The following DNER variants were observed in gnomAD, a reference collection of about 807,000 sequenced individuals.
The protein encoded by DNER is delta/notch like EGF repeat containing, also known as delta and Notch-like epidermal growth factor-related receptor.
DNER carries 33 observed loss-of-function variants against 78.2 expected under a neutral mutation model. The observed-to-expected ratio is 0.42, with a 90% confidence interval of 0.32 to 0.56. The LOEUF is 0.56. DNER is among the 20% of genes least tolerant of loss of function. DNER has a pLI of 0.11. For missense variants in DNER, 918 were observed against 975.3 expected (o/e 0.94, Z 0.78); for synonymous variants, 417 against 384.8 (o/e 1.08, Z -0.98).
At chr2:229,556,251 A>G (rs1213993980) in intron 4 of DNER, among the ~76,000 whole-genome samples, 2 of 152,250 alleles carry the variant, frequency 1.3e-5, no homozygotes, top group Non-Finnish European at 2.9e-5. Flanking sequence ...GGTTACAAAG[A>G]TAAGTCACGC....
intron 5 of DNER, among the ~76,000 whole-genome samples, chr2:229,540,726 G>A (rs185306276): frequency 7.2e-4 from 110 of 152,290 alleles, no homozygotes; most frequent in Admixed American, 2.9e-3. Flanking sequence ...GTCAGGACTC[G>A]TCAGGGGCCA....
chr2:229,670,633 A>G (rs1699191049), intron 1 of DNER, among the ~76,000 whole-genome samples: 1 of 152,250 alleles, frequency 6.6e-6, no homozygotes, highest in Admixed American at 6.5e-5. Context: ...AACTTTGTCT[A>G]TAAATGCATG....
intron 6 of DNER, among the ~76,000 whole-genome samples, chr2:229,502,110 C>T (rs1695632901): frequency 6.6e-6 from 1 of 152,180 alleles, no homozygotes; most frequent in Non-Finnish European, 1.5e-5. Context: ...GACCAATGGC[C>T]TGGCCATATA....
chr2:229,508,019 CAAG>C (rs1480328804), intron 6 of DNER, among the ~76,000 whole-genome samples: 6 of 152,082 alleles, frequency 3.9e-5, no homozygotes, highest in African/African-American at 9.7e-5. Context: ...AACAAATCAA[CAAG>C]AAGAGTGTGC....
chr2:229,465,837 C>A (rs1204137710), intron 7 of DNER, among the ~76,000 whole-genome samples: 1 of 152,054 alleles, frequency 6.6e-6, no homozygotes, highest in South Asian at 2.1e-4. Context: ...TTAGAGGGAT[C>A]ACTTTTCTCA....
At position 229,437,519 on chromosome 2, in the gene DNER, G is replaced by T. The variant is rs75371370; in HGVS notation, c.1486+9797C>A. On this transcript the variant is annotated intron_variant, in intron 8 of 12. Transcript: ENST00000341772. The stretch of plus-strand genomic sequence containing the variant: ...AAGGCTACAAGTCCAGAAAAAAGTA[G>T]GACATGCAGCAAATCTCCTTATTGG... Among the ~76,000 whole-genome samples the T allele has an allele frequency of 3.2e-3, 483 of 152,284 alleles. 1 individual carries two copies. Among genetic ancestry groups the T allele is most frequent in the African/African-American group, 0.011 (473 of 41,560 alleles).
At chr2:229,675,164 T>A (rs189777177) in intron 1 of DNER, among the ~76,000 whole-genome samples, 1 of 152,202 alleles carries the variant, frequency 6.6e-6, no homozygotes, top group South Asian at 2.1e-4. Context: ...ATATGCCATA[T>A]GACAGAAGCC....
intron 6 of DNER, among the ~76,000 whole-genome samples, chr2:229,505,149 C>A (rs1695709017): frequency 6.9e-6 from 1 of 144,444 alleles, no homozygotes; most frequent in Non-Finnish European, 1.5e-5. Context: ...TTGGAAGCCA[C>A]TGAGGCTTGA....
chr2:229,437,234 A>G lies in DNER; in HGVS notation c.1486+10082T>C, dbSNP rs186663223. Among the ~76,000 whole-genome samples, 24 of 152,394 alleles carry G rather than the reference A, an allele frequency of 1.6e-4. No homozygotes were observed. The East Asian group carries it at 2.9e-3, about 18-fold the overall frequency. Reference sequence around the variant, plus strand: ...GAGGAAATGCTGTTTTGAAAAATCAATACCCGCTATGAGTTGACAATGTTC... The same window carrying G: ...GAGGAAATGCTGTTTTGAAAAATCAGTACCCGCTATGAGTTGACAATGTTC... On this transcript the variant is annotated intron_variant, in intron 8 of 12. Coordinates refer to ENST00000341772, the MANE Select transcript of DNER (RefSeq NM_139072.4).
At chr2:229,617,943 G>A (rs113957710) in intron 1 of DNER, among the ~76,000 whole-genome samples, 6,837 of 152,222 alleles carry the variant, frequency 0.045, 305 homozygotes, top group South Asian at 0.065. Flanking sequence ...CAATCTGGGC[G>A]ACTGAGTGAA....
rs547425793 is a variant in DNER, at chr2:229,423,597, A to C, written c.1487-5367T>G. 6.0e-5 allele frequency among the ~76,000 whole-genome samples: 9 copies of C among 149,888 alleles called. No individual in the cohort carries two copies. In the South Asian group the frequency reaches 1.7e-3, roughly 28 times the overall value. On this transcript the variant is annotated intron_variant, in intron 8 of 12. Coordinates refer to ENST00000341772, the MANE Select transcript of DNER (RefSeq NM_139072.4). ...GCCACTGCACTCCAGCCTGGGAGAT[A>C]GAGCGAGACTACATCTCAAAAAAAA...
intron 5 of DNER, among the ~76,000 whole-genome samples, chr2:229,546,140 G>A (rs1341586688): frequency 6.6e-6 from 1 of 152,160 alleles, no homozygotes; most frequent in Non-Finnish European, 1.5e-5. Context: ...GTTGCATACT[G>A]GCATATAATT....
At chr2:229,530,791 A>G (rs1696286383) in intron 5 of DNER, among the ~76,000 whole-genome samples, 1 of 152,224 alleles carries the variant, frequency 6.6e-6, no homozygotes, top group African/African-American at 2.4e-5. Flanking sequence ...TTAAATGCTG[A>G]TCTTAGCCTT....
intron 9 of DNER, among the ~76,000 whole-genome samples, chr2:229,408,707 T>C (rs188398819): frequency 2.6e-4 from 39 of 152,288 alleles, no homozygotes; most frequent in African/African-American, 7.5e-4. Context: ...GCCTTAAGAA[T>C]AGGGCTCAGG....
intron 1 of DNER, among the ~76,000 whole-genome samples, chr2:229,624,536 C>A (rs1698304673): frequency 6.6e-6 from 1 of 151,720 alleles, no homozygotes; most frequent in Non-Finnish European, 1.5e-5. Context: ...AGAGACTTTC[C>A]AAACTTTTCT....
chr2:229,515,639 A>ATTTTTTTTTTTTTTTTTTTTTT (rs1162899815), intron 5 of DNER, among the ~76,000 whole-genome samples: 1 of 71,538 alleles, frequency 1.4e-5, no homozygotes, highest in Non-Finnish European at 3.5e-5. Flanking sequence ...AGTTAGCTTT[A>ATTTTTTTTTTTTTTTTTTTTTT]TTTTTTTATT....
At chr2:229,680,190 T>G (rs900153404) in intron 1 of DNER, among the ~76,000 whole-genome samples, 15 of 152,080 alleles carry the variant, frequency 9.9e-5, no homozygotes, top group African/African-American at 3.6e-4. Flanking sequence ...GGTACAAAAC[T>G]CATTCATCTC....
chr2:229,427,002 G>T (rs1481485471), intron 8 of DNER, among the ~76,000 whole-genome samples: 1 of 152,146 alleles, frequency 6.6e-6, no homozygotes, highest in African/African-American at 2.4e-5. Context: ...TCCTTTTATT[G>T]CTCATGGCAA....
At chr2:229,514,794 A>C (rs1297503613) in intron 5 of DNER, among the ~76,000 whole-genome samples, 1 of 152,168 alleles carries the variant, frequency 6.6e-6, no homozygotes, top group African/African-American at 2.4e-5. Context: ...CTGACTGAAC[A>C]AGAAGTGTGC....
Sources: allele counts gnomAD v4.1 joint callset (sites outside exome capture counted in the v4.1 genomes callset), GRCh38; gene constraint gnomAD v4.1.1; transcripts MANE v1.5; gene names NCBI Gene and HGNC (gene_info 2026-07-23, HGNC 2026-07-21).